Variants in IQSEC2 observed in about 807,000 individuals in gnomAD.
The protein encoded by IQSEC2 is IQ motif and SEC7 domain-containing protein 2.
IQSEC2 carries 6 observed loss-of-function variants against 74.6 expected under a neutral mutation model. The ratio of observed to expected loss-of-function variants is 0.08; its 90% confidence interval spans 0.04 to 0.16. The LOEUF (loss-of-function observed/expected upper bound fraction) is 0.16, where lower values mean the gene tolerates loss of function less well. IQSEC2 is among the 10% of genes least tolerant of loss of function. The probability of loss-of-function intolerance (pLI) is 1.00; values close to 1 mark genes in which losing one functional copy is unlikely to be tolerated. For synonymous variants in IQSEC2, 494 were observed against 544.5 expected (o/e 0.91, Z 1.29); for missense variants, 734 against 1,306.2 (o/e 0.56, Z 6.75).
At chrX:53,285,223 G>A (rs1359037538) in intron 2 of IQSEC2, among the ~76,000 whole-genome samples, 1 of 111,191 alleles carries the variant, frequency 9.0e-6, no homozygotes, top group Non-Finnish European at 1.9e-5. Context: ...GTATATTTCC[G>A]TGGTGCTCCC....
intron 12 of IQSEC2, 153 bp downstream of exon 12, chrX:53,237,992 G>C (rs1370270582): frequency 1.7e-6 from 1 of 599,251 alleles, no homozygotes; most frequent in African/African-American, 2.3e-5. Context: ...GTCACTGAAG[G>C]TATTCAAGCA....
intron 1 of IQSEC2, among the ~76,000 whole-genome samples, chrX:53,305,928 C>T (rs1274400515): frequency 9.0e-6 from 1 of 111,698 alleles, no homozygotes; most frequent in Non-Finnish European, 1.9e-5. Flanking sequence ...AAAGGGGGAA[C>T]ACCAAAAAAG....
intron 2 of IQSEC2, among the ~76,000 whole-genome samples, chrX:53,269,682 G>C (rs1398405980): frequency 9.0e-6 from 1 of 110,544 alleles, no homozygotes; most frequent in East Asian, 2.8e-4. Flanking sequence ...CCTCCCACGA[G>C]CTCTTCGACC....
chrX:53,279,319 C>G (rs2074899126), intron 2 of IQSEC2: 1 of 390,344 alleles, frequency 2.6e-6, no homozygotes, highest in Non-Finnish European at 4.4e-6. Context: ...TAGTCTAGGA[C>G]CAACCACTCA....
At chrX:53,266,768 G>A in intron 2 of IQSEC2, 1 of 1,010,124 alleles carries the variant, frequency 9.9e-7, no homozygotes, top group Non-Finnish European at 1.3e-6. Flanking sequence ...TCAGGGGCTG[G>A]AGTCCAGAGG....
chrX:53,317,263 CA>C, intron 1 of IQSEC2, among the ~76,000 whole-genome samples: 1 of 111,561 alleles, frequency 9.0e-6, no homozygotes, highest in Non-Finnish European at 1.9e-5. Flanking sequence ...GACCCAGGAC[CA>C]AAAGGAGACA....
chrX:53,254,753 G>T lies in IQSEC2; in HGVS notation c.1178C>A (p.Ser393Tyr). Residue 393 changes from serine to tyrosine, a missense_variant, in exon 4 of 15, where the codon TCC becomes TAC. By Grantham distance (144) the Ser-to-Tyr change is moderately radical. Transcript: ENST00000642864. ...IILSNMRMQFSFEEYEKAQNP... is the reference protein window; with the variant it reads ...IILSNMRMQFYFEEYEKAQNP... Reference sequence around the variant, plus strand: ...CTGTGCCTTCTCATACTCCTCAAAGGAGAACTGCATCCGCATGTTGGAAAG... The same window carrying T: ...CTGTGCCTTCTCATACTCCTCAAAGTAGAACTGCATCCGCATGTTGGAAAG... The T allele has an allele frequency of 8.3e-7, 1 of 1,205,879 alleles. No homozygotes were observed. Among genetic ancestry groups the T allele is most frequent in the Non-Finnish European group, 1.1e-6 (1 of 892,346 alleles).
chrX:53,266,879 G>C (rs1443130936), intron 2 of IQSEC2: 22 of 810,529 alleles, frequency 2.7e-5, no homozygotes, highest in Non-Finnish European at 3.7e-5. Context: ...GGTCCCATGG[G>C]GGAATCTGCG....
At chrX:53,227,436 T>C (rs2074047369), downstream of IQSEC2, 2 of 273,250 alleles carry the variant, frequency 7.3e-6, no homozygotes, top group Non-Finnish European at 1.3e-5. Context: ...TCAAATGCTC[T>C]TCCTGTCGTT....
intron 1 of IQSEC2, among the ~76,000 whole-genome samples, chrX:53,300,610 C>T (rs188228524): frequency 2.8e-4 from 31 of 111,305 alleles, no homozygotes; most frequent in African/African-American, 7.2e-4. Context: ...TATGTGGTGA[C>T]GAAATTAATG....
chrX:53,245,954 C>A (rs1319823829), intron 8 of IQSEC2, among the ~76,000 whole-genome samples: 1 of 108,198 alleles, frequency 9.2e-6, no homozygotes, highest in Non-Finnish European at 1.9e-5. Flanking sequence ...CCTCTACCTC[C>A]CAGGTTCAAG....
chrX:53,244,947 A>C (rs1377107030), intron 8 of IQSEC2, among the ~76,000 whole-genome samples: 2 of 110,956 alleles, frequency 1.8e-5, no homozygotes, highest in African/African-American at 3.3e-5. Flanking sequence ...ACACATACAC[A>C]CACACACACC....
At chrX:53,281,191 C>T (rs782124452) in intron 2 of IQSEC2, among the ~76,000 whole-genome samples, 1 of 112,547 alleles carries the variant, frequency 8.9e-6, no homozygotes, top group South Asian at 3.6e-4. Context: ...TCAGAGGCCA[C>T]GAGCCTGGAG....
At chrX:53,287,413 C>T (rs181490893) in intron 2 of IQSEC2, among the ~76,000 whole-genome samples, 6 of 112,822 alleles carry the variant, frequency 5.3e-5, no homozygotes, top group Non-Finnish European at 7.5e-5. Context: ...TCCAGCCACA[C>T]GCTCACACAC....
rs1556859178 is a variant in IQSEC2, at chrX:53,234,894, G to A, written c.3792C>T (p.Leu1264=). 6.9e-6 allele frequency: 8 copies of A among 1,165,708 alleles called. No individual in the cohort carries two copies. The East Asian group carries it at 2.3e-4, about 33-fold the overall frequency. ...GGCAATACTGGGCATGCAGGGCCTG[G>A]AGCTTGGACTGCCCATCAGGCAGCA... The part of the protein sequence containing the change: ...LGVLPDGQSK[L]QALHAQYCQG... Residue 1264 remains leucine, a synonymous_variant, in exon 15 of 15, where the codon CTC becomes CTT. Coordinates refer to ENST00000642864, the MANE Select transcript of IQSEC2 (RefSeq NM_001111125.3).
chrX:53,256,242 T>A (rs1156635660), intron 2 of IQSEC2, among the ~76,000 whole-genome samples, 181 bp from the exon 3 acceptor site: 7 of 107,008 alleles, frequency 6.5e-5, no homozygotes, highest in Admixed American at 3.0e-4. Context: ...GTCTCCCCAC[T>A]CCCACCCAAG....
chrX:53,260,692 C>T (rs2074555730), intron 2 of IQSEC2, among the ~76,000 whole-genome samples: 1 of 111,340 alleles, frequency 9.0e-6, no homozygotes, highest in South Asian at 3.8e-4. Context: ...ACACCCGCTC[C>T]TCTCGGGCTG....
At chrX:53,303,215 A>G (rs1469586200) in intron 1 of IQSEC2, among the ~76,000 whole-genome samples, 7 of 110,478 alleles carry the variant, frequency 6.3e-5, no homozygotes, top group African/African-American at 9.9e-5. Flanking sequence ...AAAAAAAAAA[A>G]GGGCATTTAG....
intron 4 of IQSEC2, among the ~76,000 whole-genome samples, chrX:53,253,511 G>C (rs1295072021): frequency 2.7e-5 from 3 of 111,903 alleles, no homozygotes; most frequent in Admixed American, 1.9e-4. Context: ...CTGATGCAAC[G>C]CCTATGTAAG....
Sources: gnomAD v4.1 joint callset for allele counts (sites outside exome capture counted in the v4.1 genomes callset) on GRCh38, gnomAD v4.1.1 for gene constraint, MANE v1.5 for transcripts, NCBI Gene and HGNC (gene_info 2026-07-23, HGNC 2026-07-21) for gene names.